MDGA2: variants seen among roughly 807,000 people sequenced by gnomAD.
The protein encoded by MDGA2 is MAM domain containing glycosylphosphatidylinositol anchor 2.
A neutral mutation model predicts 117.8 loss-of-function variants in MDGA2; 40 were observed. The ratio of observed to expected loss-of-function variants is 0.34; its 90% confidence interval spans 0.26 to 0.44. MDGA2 has a LOEUF of 0.44. Among genes scored for constraint, MDGA2 ranks in the 20% least tolerant of loss-of-function variants. The probability of loss-of-function intolerance (pLI) is 1.00; values close to 1 mark genes in which losing one functional copy is unlikely to be tolerated. For missense variants in MDGA2, 1,123 were observed against 1,250.6 expected, an observed-to-expected ratio of 0.90 and a Z score of 1.54; for synonymous variants, 452 against 439.0, an observed-to-expected ratio of 1.03 and a Z score of -0.37.
At chr14:47,639,615 A>T (rs1418369441) in intron 1 of MDGA2, among the ~76,000 whole-genome samples, 2 of 152,164 alleles carry the variant, frequency 1.3e-5, no homozygotes, top group African/African-American at 4.8e-5. Context: ...GATTTCAAAT[A>T]AAAAATGCTA....
chr14:47,339,287 C>T (rs1890550800), intron 1 of MDGA2, among the ~76,000 whole-genome samples: 2 of 151,970 alleles, frequency 1.3e-5, no homozygotes, highest in African/African-American at 4.8e-5. Context: ...ACAAATAATA[C>T]AAAAAGAGAT....
In MDGA2 at chr14:47,540,538, GTGTA is replaced by G. The variant is rs758612886; in HGVS notation, c.280+133975_280+133978del. Among the ~76,000 whole-genome samples the G allele has an allele frequency of 7.0e-3, 518 of 73,928 alleles. 9 individuals carry two copies. The highest frequency in any genetic ancestry group is 0.019 in the African/African-American group (487 of 25,290). 48.5% of individuals were successfully genotyped at this position (73,928 alleles called of 152,430 possible). Reference sequence around the variant, plus strand: ...TATGTATATGTGTGTGTGTGTGTGTGTGTATATATATATATGTATATATATACAC... The same window carrying G: ...TATGTATATGTGTGTGTGTGTGTGTGTATATATATATGTATATATATACAC... On this transcript the variant is annotated intron_variant, in intron 1 of 16. Transcript: ENST00000399232.
At chr14:47,623,658 G>A (rs2138932965) in intron 1 of MDGA2, among the ~76,000 whole-genome samples, 1 of 152,120 alleles carries the variant, frequency 6.6e-6, no homozygotes, top group East Asian at 1.9e-4. Context: ...TTACAATTGT[G>A]TGAGTTACAG....
At chr14:47,215,365 A>T (rs1449332759) in intron 3 of MDGA2, among the ~76,000 whole-genome samples, 3 of 152,138 alleles carry the variant, frequency 2.0e-5, no homozygotes, top group East Asian at 3.9e-4. Context: ...AGACACCAGC[A>T]TTGCCATATT....
intron 1 of MDGA2, among the ~76,000 whole-genome samples, chr14:47,379,938 C>T (rs566515319): frequency 1.4e-4 from 22 of 152,226 alleles, no homozygotes; most frequent in Non-Finnish European, 2.5e-4. Context: ...ACTACCACGT[C>T]GCACTTATAT....
intron 1 of MDGA2, among the ~76,000 whole-genome samples, chr14:47,670,909 A>G (rs904554393): frequency 1.3e-5 from 2 of 152,276 alleles, no homozygotes; most frequent in East Asian, 1.9e-4. Context: ...GCACATATAT[A>G]TATTGCCAAA....
chr14:47,301,756 T>G (rs1343042135), intron 1 of MDGA2, among the ~76,000 whole-genome samples: 1 of 152,182 alleles, frequency 6.6e-6, no homozygotes, highest in Non-Finnish European at 1.5e-5. Flanking sequence ...CCAACACATT[T>G]CCAGGGGAAC....
intron 5 of MDGA2, among the ~76,000 whole-genome samples, chr14:47,107,095 A>C: frequency 7.1e-6 from 1 of 140,026 alleles, no homozygotes; most frequent in East Asian, 2.1e-4. Context: ...AGACACCTCT[A>C]CTCCCTCCTT....
chr14:47,065,245 T>C (rs1057386321), intron 6 of MDGA2, among the ~76,000 whole-genome samples: 21 of 152,160 alleles, frequency 1.4e-4, no homozygotes, highest in African/African-American at 5.1e-4. Context: ...TGGCCTATAT[T>C]CACTTTTTAA....
intron 1 of MDGA2, among the ~76,000 whole-genome samples, chr14:47,323,084 C>T (rs1890028221): frequency 7.0e-6 from 1 of 143,784 alleles, no homozygotes; most frequent in African/African-American, 2.6e-5. Context: ...TAAAGACTAA[C>T]CACCCATTTT....
intron 3 of MDGA2, among the ~76,000 whole-genome samples, chr14:47,175,771 T>G (rs1884414666): frequency 6.8e-6 from 1 of 146,238 alleles, no homozygotes; most frequent in African/African-American, 2.6e-5. Flanking sequence ...ACCACTCCTA[T>G]TCAACATAGT....
intron 2 of MDGA2, among the ~76,000 whole-genome samples, chr14:47,239,863 CT>C (rs1886982238): frequency 6.6e-6 from 1 of 151,602 alleles, no homozygotes; most frequent in African/African-American, 2.4e-5. Context: ...AATTTTATAT[CT>C]TTTTTTAGGC....
At chr14:46,932,283 G>T (rs1884611359) in intron 9 of MDGA2, among the ~76,000 whole-genome samples, 2 of 151,832 alleles carry the variant, frequency 1.3e-5, no homozygotes, top group Admixed American at 1.3e-4. Context: ...CTTTAGACTT[G>T]TATGAAAACT....
intron 2 of MDGA2, among the ~76,000 whole-genome samples, chr14:47,244,969 CT>C (rs2139619727): frequency 6.6e-6 from 1 of 151,852 alleles, no homozygotes; most frequent in South Asian, 2.1e-4. Context: ...TACACTTCCA[CT>C]TAATAAATAG....
At chr14:46,921,413 G>A (rs1884124008) in intron 9 of MDGA2, among the ~76,000 whole-genome samples, 1 of 150,548 alleles carries the variant, frequency 6.6e-6, no homozygotes, top group Non-Finnish European at 1.5e-5. Flanking sequence ...CCACCAACCT[G>A]AGCAACATAG....
chr14:46,873,763 A>AG (rs1882111262), intron 13 of MDGA2, among the ~76,000 whole-genome samples, 172 bp from the exon 14 acceptor site: 1 of 151,978 alleles, frequency 6.6e-6, no homozygotes, highest in South Asian at 2.1e-4. Flanking sequence ...TGTAACACAA[A>AG]GAATAAATGA....
chr14:47,416,576 C>T (rs1479248557), intron 1 of MDGA2, among the ~76,000 whole-genome samples: 1 of 152,190 alleles, frequency 6.6e-6, no homozygotes, highest in Non-Finnish European at 1.5e-5. Context: ...CTCCACTAGG[C>T]ACTGCCCTAG....
chr14:47,190,771 A>T (rs1404823201), intron 3 of MDGA2, among the ~76,000 whole-genome samples: 1 of 152,296 alleles, frequency 6.6e-6, no homozygotes, highest in East Asian at 1.9e-4. Context: ...GTAGCTCACT[A>T]TGGAACTACC....
At chr14:47,489,071 T>G (rs892376731) in intron 1 of MDGA2, among the ~76,000 whole-genome samples, 4 of 152,022 alleles carry the variant, frequency 2.6e-5, no homozygotes, top group African/African-American at 9.7e-5. Flanking sequence ...CTGGTATTTA[T>G]GATGATGTAG....
Sources: gnomAD v4.1 joint callset for allele counts (sites outside exome capture counted in the v4.1 genomes callset) on GRCh38, gnomAD v4.1.1 for gene constraint, MANE v1.5 for transcripts, NCBI Gene and HGNC (gene_info 2026-07-23, HGNC 2026-07-21) for gene names.